DNAH8: variants seen among roughly 807,000 people sequenced by gnomAD.
DNAH8 encodes axonemal beta dynein heavy chain 8.
In DNAH8, 382 loss-of-function variants were observed where a neutral mutation model predicts 562.1. The ratio of observed to expected loss-of-function variants is 0.68; its 90% confidence interval spans 0.63 to 0.74. The LOEUF (loss-of-function observed/expected upper bound fraction) is 0.74. Ranked by LOEUF, DNAH8 falls within the 30% of genes least tolerant of loss-of-function variation. The pLI is 0.00. For synonymous variants in DNAH8, 1,881 were observed against 1,919.4 expected (o/e 0.98, Z 0.52); for missense variants, 5,203 against 5,620.4 (o/e 0.93, Z 2.37).
chr6:38,820,929 G>A (rs1772772871), intron 26 of DNAH8, among the ~76,000 whole-genome samples: 1 of 152,080 alleles, frequency 6.6e-6, no homozygotes, highest in African/African-American at 2.4e-5. Context: ...TTAGGAACAA[G>A]TCAAGAATAC....
At chr6:38,960,754 T>C (rs1478822128) in intron 82 of DNAH8, among the ~76,000 whole-genome samples, 1 of 151,980 alleles carries the variant, frequency 6.6e-6, no homozygotes, top group Non-Finnish European at 1.5e-5. Flanking sequence ...TCAGCAGTGC[T>C]GCTACTAAAT....
chr6:38,919,137 G>A (rs1781514949), intron 70 of DNAH8, among the ~76,000 whole-genome samples: 1 of 152,102 alleles, frequency 6.6e-6, no homozygotes, highest in Non-Finnish European at 1.5e-5. Context: ...ACTATTCTTT[G>A]TTGATAAAAA....
At chr6:38,874,082 TTC>T (rs1319281577) in intron 52 of DNAH8, among the ~76,000 whole-genome samples, 2 of 120,862 alleles carry the variant, frequency 1.7e-5, no homozygotes, top group South Asian at 3.1e-4. Flanking sequence ...CTTTCTTTCT[TTC>T]TTTCTTTCTT....
rs1774441340 is a variant in DNAH8, at chr6:38,838,008, C to T, written c.4432C>T (p.Pro1478Ser). The change falls in exon 33 of 93, where the codon CCT becomes TCT. Residue 1478 changes from proline to serine, a missense_variant. Coordinates refer to ENST00000327475, the MANE Select transcript of DNAH8 (RefSeq NM_001206927.2). Reference sequence around the variant, plus strand: ...ATCTGGTGAACAACTTTTTGGATTGCCTGTGACTGATTATGAGGTTTTACA... The same window carrying T: ...ATCTGGTGAACAACTTTTTGGATTGTCTGTGACTGATTATGAGGTTTTACA... ...YSSGEQLFGLPVTDYEVLHKT... is the reference protein window; with the variant it reads ...YSSGEQLFGLSVTDYEVLHKT... 1 of 1,612,270 alleles carries T rather than the reference C, an allele frequency of 6.2e-7. No individual in the cohort carries two copies. The highest frequency in any genetic ancestry group is 2.2e-5 in the East Asian group (1 of 44,728).
intron 49 of DNAH8, among the ~76,000 whole-genome samples, chr6:38,870,866 C>A (rs1777419000): frequency 6.6e-6 from 1 of 152,188 alleles, no homozygotes; most frequent in Non-Finnish European, 1.5e-5. Flanking sequence ...CAGATGTCTT[C>A]TTGTGCCAAT....
At chr6:38,890,886 C>T (rs1270282521) in intron 58 of DNAH8, 125 bp downstream of exon 58, 5 of 648,870 alleles carry the variant, frequency 7.7e-6, no homozygotes, top group Middle Eastern at 2.5e-4. Flanking sequence ...AGACAAATTA[C>T]GTGCTCAAAT....
Position 38,973,706 on chromosome 6 carries a change from A to G in DNAH8, c.12571A>G (p.Met4191Val). The change falls in exon 84 of 93, where the codon ATG (methionine) becomes GTG (valine). Residue 4191 changes from methionine to valine, a missense_variant. Coordinates refer to ENST00000327475, the MANE Select transcript of DNAH8 (RefSeq NM_001206927.2). ...LQNCHLGLEF[M>V]EELLETLITT... Reference sequence around the variant, plus strand: ...AAATTGCCACCTTGGCCTGGAATTCATGGAAGAATTACTAGAGACGCTAAT... The same window carrying G: ...AAATTGCCACCTTGGCCTGGAATTCGTGGAAGAATTACTAGAGACGCTAAT... 6.2e-7 allele frequency: 1 copy of G among 1,608,266 alleles called. No homozygotes were observed. Among genetic ancestry groups the G allele is most frequent in the Non-Finnish European group, 8.5e-7 (1 of 1,177,908 alleles).
At chr6:39,025,561 C>G (rs1443935931) in intron 91 of DNAH8, among the ~76,000 whole-genome samples, 5 of 152,136 alleles carry the variant, frequency 3.3e-5, no homozygotes, top group Non-Finnish European at 7.3e-5. Flanking sequence ...TCTTTCTTTC[C>G]AACTCCAAGG....
chr6:38,972,694 G>C (rs1240469294), intron 83 of DNAH8, among the ~76,000 whole-genome samples: 1 of 152,056 alleles, frequency 6.6e-6, no homozygotes, highest in African/African-American at 2.4e-5. Context: ...TGATTATATG[G>C]CATAATCAGA....
chr6:38,981,732 A>G (rs1474179323), intron 85 of DNAH8, among the ~76,000 whole-genome samples: 2 of 152,210 alleles, frequency 1.3e-5, no homozygotes, highest in Non-Finnish European at 2.9e-5. Context: ...GTATTTGTTG[A>G]GCATCTACTG....
chr6:38,772,320 G>A (rs1449084062), intron 12 of DNAH8, among the ~76,000 whole-genome samples: 2 of 151,978 alleles, frequency 1.3e-5, no homozygotes, highest in Non-Finnish European at 2.9e-5. Flanking sequence ...GAGCCACCAC[G>A]CCCAGCTGAG....
intron 56 of DNAH8, among the ~76,000 whole-genome samples, chr6:38,884,352 G>A (rs1283640644): frequency 6.6e-6 from 1 of 152,102 alleles, no homozygotes; most frequent in African/African-American, 2.4e-5. Context: ...GAGTGCAGTG[G>A]CATGATCTCA....
chr6:38,863,704 A>G (rs1310765793), intron 44 of DNAH8, among the ~76,000 whole-genome samples, 169 bp from the exon 45 acceptor site: 4 of 152,216 alleles, frequency 2.6e-5, no homozygotes, highest in Admixed American at 6.5e-5. Context: ...CAAATAATTA[A>G]ACCTCTCTTT....
At chr6:39,009,344 T>C (rs1057422353) in intron 89 of DNAH8, among the ~76,000 whole-genome samples, 8 of 151,634 alleles carry the variant, frequency 5.3e-5, no homozygotes, top group African/African-American at 1.9e-4. Context: ...CAAAAAGCAA[T>C]GGTGTTGGTC....
intron 89 of DNAH8, among the ~76,000 whole-genome samples, chr6:39,010,686 T>G (rs1472531403): frequency 6.6e-6 from 1 of 151,992 alleles, no homozygotes; most frequent in Non-Finnish European, 1.5e-5. Context: ...AAAGTATTTC[T>G]ATAATTTCCC....
intron 80 of DNAH8, among the ~76,000 whole-genome samples, chr6:38,947,385 C>T (rs1018528700): frequency 1.3e-5 from 2 of 152,160 alleles, no homozygotes; most frequent in African/African-American, 4.8e-5. Flanking sequence ...GAGCAGCTGC[C>T]CTGACCTTGG....
Position 38,790,299 on chromosome 6 carries a change from T to C in DNAH8, c.2675T>C (p.Val892Ala), listed in dbSNP as rs754937417. Residue 892 changes from valine to alanine, a missense_variant, in exon 20 of 93, where the codon GTG (valine) becomes GCG (alanine). Coordinates refer to ENST00000327475, the MANE Select transcript of DNAH8 (RefSeq NM_001206927.2). ...MTPKMKKVES[V>A]LRQGLTVLTW... The stretch of plus-strand genomic sequence containing the variant: ...TTTTACCGTTTCTAGGTGGAATCTG[T>C]GTTGAGGCAAGGACTCACAGTGTTA... 6 of 1,600,674 alleles carry C rather than the reference T, an allele frequency of 3.7e-6. No individual in the cohort carries two copies. The Admixed American group carries it at 5.1e-5, about 14-fold the overall frequency.
At chr6:38,867,588 C>CAA (rs70981596) in intron 47 of DNAH8, among the ~76,000 whole-genome samples, 2,216 of 130,668 alleles carry the variant, frequency 0.017, 24 homozygotes, top group East Asian at 0.031. Flanking sequence ...ACTAAAAATA[C>CAA]AAAAAAAAAA....
intron 6 of DNAH8, 51 bp downstream of exon 6, chr6:38,737,307 C>T: frequency 1.8e-6 from 2 of 1,132,922 alleles, no homozygotes; most frequent in East Asian, 5.6e-5. Flanking sequence ...AGCAAATTAA[C>T]TAAGATATTT....
Sources: allele counts gnomAD v4.1 joint callset (sites outside exome capture counted in the v4.1 genomes callset), GRCh38; gene constraint gnomAD v4.1.1; transcripts MANE v1.5; gene names NCBI Gene and HGNC (gene_info 2026-07-23, HGNC 2026-07-21).